GSE1: variants seen among roughly 807,000 people sequenced by gnomAD.
GSE1 encodes Gse1 coiled-coil protein.
Under a neutral mutation model 112.6 loss-of-function variants are expected in GSE1, and 32 were observed. The ratio of observed to expected loss-of-function variants is 0.28; its 90% CI spans 0.21 to 0.38. The LOEUF is 0.38. Ranked by LOEUF, GSE1 falls within the 10% of genes least tolerant of loss-of-function variation. The pLI is 1.00. For synonymous variants in GSE1, 1,115 were observed against 735.6 expected (o/e 1.52, Z -8.35); for missense variants, 2,348 against 1,699.2 (o/e 1.38, Z -6.71).
chr16:85,583,719 A>G (rs1349501950), intron 1 of GSE1: 3 of 151,918 alleles, frequency 2.0e-5, no homozygotes, highest in African/African-American at 7.3e-5. Flanking sequence ...GTCTTTACCC[A>G]CTGCCAAAAC....
At chr16:85,487,168 C>G (rs1478403111) in intron 2 of GSE1, among the ~76,000 whole-genome samples, 1 of 152,208 alleles carries the variant, frequency 6.6e-6, no homozygotes, top group Non-Finnish European at 1.5e-5. Context: ...AGAGATTGTC[C>G]TGCTCGAGGT....
At chr16:85,303,880 C>T (rs750100593) in intron 1 of GSE1, among the ~76,000 whole-genome samples, 2 of 152,232 alleles carry the variant, frequency 1.3e-5, no homozygotes, top group Non-Finnish European at 2.9e-5. Flanking sequence ...GTGCCGCTGC[C>T]CCCAGGGTTG....
intron 2 of GSE1, among the ~76,000 whole-genome samples, chr16:85,455,194 G>T (rs951732027): frequency 6.6e-6 from 1 of 152,178 alleles, no homozygotes; most frequent in Non-Finnish European, 1.5e-5. Context: ...GTGACCCAGG[G>T]TCCCTCTTCA....
chr16:85,544,054 C>T (rs117085633), intron 2 of GSE1, among the ~76,000 whole-genome samples: 3,123 of 152,266 alleles, frequency 0.021, 41 homozygotes, highest in Non-Finnish European at 0.031. Context: ...AGGCTGATGT[C>T]GAACTCCTGG....
chr16:85,174,567 C>T lies in GSE1; in HGVS notation c.2283+2760C>T, dbSNP rs535546513. ...ATTCATTCAACAAATATTTATGGAG[C>T]GCCAGCTCTGAGCCAGGCGCGGTTC... is the stretch of plus-strand genomic sequence containing the variant. On this transcript the variant is annotated intron_variant, in intron 1 of 2. Coordinates refer to the GSE1 transcript ENST00000637419. 4.1e-4 allele frequency among the ~76,000 whole-genome samples: 63 copies of T among 152,342 alleles called. No homozygotes were observed. In the South Asian group the frequency reaches 0.012, roughly 29 times the overall value.
intron 1 of GSE1, among the ~76,000 whole-genome samples, chr16:85,580,656 A>T (rs1263322900): frequency 1.3e-5 from 2 of 152,208 alleles, no homozygotes; most frequent in African/African-American, 2.4e-5. Context: ...CCAAATTCAG[A>T]TGTGGAAGCC....
intron 1 of GSE1, among the ~76,000 whole-genome samples, chr16:85,286,118 G>A (rs1447581919): frequency 1.3e-5 from 2 of 152,280 alleles, no homozygotes; most frequent in African/African-American, 4.8e-5. Flanking sequence ...GGGCGCATGT[G>A]TGCCTCTTGC....
rs368302489 is a variant in GSE1 at position 85,279,613 on chromosome 16, GTCAATCAA to G, written c.2284-77837_2284-77830del. On this transcript the variant is annotated intron_variant, in intron 1 of 2. Transcript: ENST00000637419. ...CCTGTTTCAATCAATCAATCAGTCA[GTCAATCAA>G]TCAATCAATCAAACAGTGATGTAGC... Among the ~76,000 whole-genome samples the G allele has an allele frequency of 6.6e-5, 10 of 152,098 alleles. No homozygotes were observed. In the East Asian group the frequency reaches 1.9e-3, roughly 29 times the overall value.
At chr16:85,548,227 C>CA (rs1241025677) in intron 2 of GSE1, among the ~76,000 whole-genome samples, 4,043 of 69,700 alleles carry the variant, frequency 0.058, 106 homozygotes, top group African/African-American at 0.087. Flanking sequence ...GACTCTTTCT[C>CA]AAAAAAAAAA....
At chr16:85,181,321 G>T (rs2074579017) in intron 1 of GSE1, among the ~76,000 whole-genome samples, 1 of 152,258 alleles carries the variant, frequency 6.6e-6, no homozygotes, top group Admixed American at 6.5e-5. Flanking sequence ...GGAGGCCAAG[G>T]CTCAGAAACT....
intron 2 of GSE1, among the ~76,000 whole-genome samples, chr16:85,643,206 TCA>T (rs2050585024): frequency 6.6e-6 from 1 of 152,238 alleles, no homozygotes; most frequent in Non-Finnish European, 1.5e-5. Context: ...CTGCCTCTTG[TCA>T]TCTCCAATCC....
rs76161197 is a variant in GSE1 at position 85,659,941 on chromosome 16, G to T, written c.1641-1205G>T. 2.8e-4 allele frequency among the ~76,000 whole-genome samples: 43 copies of T among 152,376 alleles called. 1 individual carries two copies. The East Asian group carries it at 8.3e-3, about 29-fold the overall frequency. The stretch of plus-strand genomic sequence containing the variant: ...TTGTGACAGGGGCCACTGGGGGGCA[G>T]TCTCGGCACAGGCCCCATCCTGACT... On this transcript the variant is annotated intron_variant, in intron 8 of 15. Transcript: ENST00000253458.
rs896032020 is a variant in GSE1 at position 85,674,255 on chromosome 16, G to C, written c.*1716G>C. The C allele has an allele frequency of 1.3e-5, 2 of 152,294 alleles. No homozygotes were observed. The highest frequency in any genetic ancestry group is 4.8e-5 in the African/African-American group (2 of 41,478). The allele number at this position is 152,294 out of a possible 1,614,324, so 9.4% of individuals were successfully genotyped here. A position where few individuals can be genotyped will look rare whatever the true frequency, so the allele number is the denominator to read the frequency against. On this transcript the variant is annotated 3_prime_UTR_variant, in exon 16 of 16. Coordinates refer to ENST00000253458, the MANE Select transcript of GSE1 (RefSeq NM_014615.5). ...GCGCAGAACAGCTTGCTGGCAGCTG[G>C]CATCGTGTCGCTTTATCTGCCCCCG...
At chr16:85,613,186 C>T (rs1436398971), upstream of GSE1, 1 of 1,421,146 alleles carries the variant, frequency 7.0e-7, no homozygotes, top group South Asian at 1.5e-5. Flanking sequence ...GCCAGTGGCC[C>T]GGGAGTGGGC....
chr16:85,483,259 G>A (rs1350045351), intron 2 of GSE1, among the ~76,000 whole-genome samples: 1 of 152,266 alleles, frequency 6.6e-6, no homozygotes, highest in Non-Finnish European at 1.5e-5. Flanking sequence ...AGCTTTCAGA[G>A]GAGGAAGCCT....
chr16:85,473,744 A>G (rs748085513), intron 2 of GSE1, among the ~76,000 whole-genome samples: 13 of 152,174 alleles, frequency 8.5e-5, no homozygotes, highest in Admixed American at 5.2e-4. Flanking sequence ...CACAGGTTCC[A>G]AGGACAGATC....
At chr16:85,612,773 A>G (rs1181493413), upstream of GSE1, among the ~76,000 whole-genome samples, 2 of 152,020 alleles carry the variant, frequency 1.3e-5, no homozygotes, top group Non-Finnish European at 2.9e-5. Flanking sequence ...CAGCGCCCAG[A>G]AAGTTGTTCT....
At chr16:85,641,423 G>GCCCCCCCC (rs61178619) in intron 2 of GSE1, among the ~76,000 whole-genome samples, 1 of 150,396 alleles carries the variant, frequency 6.6e-6, no homozygotes, top group African/African-American at 2.5e-5. Context: ...ACTGGCTGAC[G>GCCCCCCCC]CCCCCCCCCG....
intron 2 of GSE1, among the ~76,000 whole-genome samples, chr16:85,463,520 C>T (rs771108609): frequency 2.4e-4 from 37 of 152,164 alleles, no homozygotes; most frequent in Admixed American, 1.3e-3. Context: ...TGGCAGGGCC[C>T]CTCGTGCCTG....
Sources: gnomAD v4.1 joint callset for allele counts (sites outside exome capture counted in the v4.1 genomes callset) on GRCh38, gnomAD v4.1.1 for gene constraint, MANE v1.5 for transcripts, NCBI Gene and HGNC (gene_info 2026-07-23, HGNC 2026-07-21) for gene names.